The following ABCA4 variants were observed in gnomAD, a reference collection of about 807,000 sequenced individuals.
ABCA4 encodes the protein retinal-specific phospholipid-transporting ATPase ABCA4.
ABCA4 carries 196 observed loss-of-function variants against 263.7 expected under a neutral mutation model. The observed-to-expected ratio is 0.74, with a 90% CI of 0.66 to 0.84. The LOEUF (loss-of-function observed/expected upper bound fraction) is 0.84, where lower values mean the gene tolerates loss of function less well. ABCA4 is among the 40% of genes least tolerant of loss of function. The pLI is 0.00. For missense variants in ABCA4, 2,792 were observed against 2,855.1 expected (o/e 0.98, Z 0.50); for synonymous variants, 1,133 against 1,094.2 (o/e 1.04, Z -0.70).
chr1:94,080,991 G>A (rs571139289), intron 7 of ABCA4, among the ~76,000 whole-genome samples: 2 of 152,250 alleles, frequency 1.3e-5, no homozygotes, highest in East Asian at 1.9e-4. Context: ...TTGGGAGGCC[G>A]AGGCGGGCGG....
intron 6 of ABCA4, among the ~76,000 whole-genome samples, chr1:94,090,856 T>C (rs996545054): frequency 1.3e-5 from 2 of 152,208 alleles, no homozygotes; most frequent in Admixed American, 6.5e-5. Context: ...GTTGAGGTTT[T>C]AGGTTCCATG....
chr1:94,078,935 G>T (rs1439590246), intron 9 of ABCA4, among the ~76,000 whole-genome samples: 1 of 152,066 alleles, frequency 6.6e-6, no homozygotes, highest in Non-Finnish European at 1.5e-5. Context: ...ATGTAATATT[G>T]ATGATATTAT....
Position 94,042,864 on chromosome 1 carries a change from G to A in ABCA4, c.3225C>T (p.Ala1075=). ...GMQRKLSVAI[A]FVGDAKVVIL... Reference sequence around the variant, plus strand: ...TCACCACCTTGGCATCTCCCACAAAGGCAATGGCAACCGACAGCTTTCTCT... The same window carrying A: ...TCACCACCTTGGCATCTCCCACAAAAGCAATGGCAACCGACAGCTTTCTCT... Residue 1075 remains alanine, a synonymous_variant, in exon 22 of 50, where the codon GCC becomes GCT. Coordinates refer to ENST00000370225, the MANE Select transcript of ABCA4 (RefSeq NM_000350.3). The A allele has an allele frequency of 6.2e-7, 1 of 1,614,178 alleles. No homozygotes were observed. Among genetic ancestry groups the A allele is most frequent in the South Asian group, 1.1e-5 (1 of 91,084 alleles).
At position 94,079,346 on chromosome 1, in the gene ABCA4, A is replaced by G. The variant is rs779857255; in HGVS notation, c.1215T>C (p.Pro405=). 1.9e-6 allele frequency: 3 copies of G among 1,614,162 alleles called. No individual in the cohort carries two copies. The East Asian group carries it at 6.7e-5, about 36-fold the overall frequency. Residue 405 remains proline (P), a synonymous_variant, in exon 9 of 50, where the codon CCT becomes CCC. Coordinates refer to ENST00000370225, the MANE Select transcript of ABCA4 (RefSeq NM_000350.3). ...CATTCTTCAGTATCCTTCGTGCTGC[A>G]GGTGAATCAGGAGTGTACAGGATTT... The part of the protein sequence containing the change: ...MGKILYTPDS[P]AARRILKNAN...
chr1:94,077,522 G>A (rs1206120074), intron 11 of ABCA4, among the ~76,000 whole-genome samples, 168 bp downstream of exon 11: 1 of 152,224 alleles, frequency 6.6e-6, no homozygotes, highest in Non-Finnish European at 1.5e-5. Flanking sequence ...TTTAAGTATG[G>A]ATAAGCTGTT....
intron 48 of ABCA4, 93 bp from the exon 49 acceptor site, chr1:93,996,288 T>A: frequency 1.0e-6 from 1 of 968,380 alleles, no homozygotes; most frequent in South Asian, 1.3e-5. Context: ...TTTTCCACAG[T>A]TCACATACAG....
In ABCA4 at chr1:94,001,629, C is replaced by T. The variant is rs1323199774; in HGVS notation, c.6282+229G>A. 13 of 697,882 alleles carry T rather than the reference C, an allele frequency of 1.9e-5. No homozygotes were observed. The East Asian group carries it at 2.0e-4, about 11-fold the overall frequency. 43.2% of individuals were successfully genotyped at this position (697,882 alleles called of 1,614,324 possible). On this transcript the variant is annotated intron_variant, in intron 45 of 49. Coordinates refer to ENST00000370225, the MANE Select transcript of ABCA4 (RefSeq NM_000350.3). The stretch of plus-strand genomic sequence containing the variant: ...GGCCCCACAGGAGACATCCTGGGAA[C>T]GCAGGATGTGCGCAGTCCCAAGTCA...
intron 11 of ABCA4, 36 bp from the exon 12 acceptor site, chr1:94,063,353 G>A (rs781254406): frequency 2.5e-6 from 4 of 1,591,216 alleles, no homozygotes; most frequent in Non-Finnish European, 3.5e-6. Flanking sequence ...AGTGTGAGGA[G>A]GACCAACTGC....
intron 26 of ABCA4, among the ~76,000 whole-genome samples, chr1:94,032,652 C>A (rs965843869): frequency 7.9e-5 from 12 of 152,156 alleles, no homozygotes; most frequent in African/African-American, 2.2e-4. Flanking sequence ...ACAAAGAAAA[C>A]CAAACAAACA....
intron 26 of ABCA4, among the ~76,000 whole-genome samples, chr1:94,033,528 C>T (rs1310277833): frequency 6.6e-6 from 1 of 151,794 alleles, no homozygotes; most frequent in South Asian, 2.1e-4. Flanking sequence ...TGCAAGTTGT[C>T]GGTTATGTTG....
chr1:94,084,607 TTA>T (rs1661784686), intron 6 of ABCA4, among the ~76,000 whole-genome samples: 1 of 152,208 alleles, frequency 6.6e-6, no homozygotes, highest in Non-Finnish European at 1.5e-5. Context: ...TATTTCAGGC[TTA>T]TTTTCTAATT....
intron 49 of ABCA4, among the ~76,000 whole-genome samples, chr1:93,994,900 G>A (rs1658955955): frequency 6.6e-6 from 1 of 152,258 alleles, no homozygotes; most frequent in Non-Finnish European, 1.5e-5. Context: ...ATGCCAGGCA[G>A]GGGTGGGGAG....
chr1:94,001,828 G>T, intron 45 of ABCA4, 30 bp downstream of exon 45: 2 of 1,614,140 alleles, frequency 1.2e-6, no homozygotes. Context: ...CTTGGTTTAA[G>T]CCCTTGGTGC....
At chr1:94,017,041 C>T (rs375141731) in intron 36 of ABCA4, among the ~76,000 whole-genome samples, 1 of 152,128 alleles carries the variant, frequency 6.6e-6, no homozygotes, top group African/African-American at 2.4e-5. Context: ...ATGTGAATAT[C>T]AAAATAAATA....
At chr1:94,033,916 C>T (rs1660273746) in intron 26 of ABCA4, among the ~76,000 whole-genome samples, 1 of 152,114 alleles carries the variant, frequency 6.6e-6, no homozygotes, top group Non-Finnish European at 1.5e-5. Context: ...TGCCCCTCCT[C>T]TTTGCTGGCT....
intron 45 of ABCA4, 25 bp downstream of exon 45, chr1:94,001,833 T>G (rs780141169): frequency 6.2e-7 from 1 of 1,614,142 alleles, no homozygotes; most frequent in African/African-American, 1.3e-5. Flanking sequence ...TTTAAGCCCT[T>G]GGTGCGGCCC....
chr1:94,056,657 G>C lies in ABCA4; in HGVS notation c.2326C>G (p.His776Asp). The C allele has an allele frequency of 6.2e-7, 1 of 1,614,066 alleles. No homozygotes were observed. The highest frequency in any genetic ancestry group is 1.1e-5 in the South Asian group (1 of 91,068). Reference sequence around the variant, plus strand: ...TCCTGCCAGGCGAAGCACAGGATGTGTGGCAGGTAGAGGGTGAAATAGATG... The same window carrying C: ...TCCTGCCAGGCGAAGCACAGGATGTCTGGCAGGTAGAGGGTGAAATAGATG... ...GVIYFTLYLPHILCFAWQDRM... is the reference protein window; with the variant it reads ...GVIYFTLYLPDILCFAWQDRM... Residue 776 changes from histidine (H) to aspartate (D), a missense_variant, in exon 15 of 50, where the codon CAC (histidine) becomes GAC (aspartate). Coordinates refer to ENST00000370225, the MANE Select transcript of ABCA4 (RefSeq NM_000350.3).
chr1:94,007,608 T>C, intron 43 of ABCA4, 26 bp downstream of exon 43: 2 of 1,588,738 alleles, frequency 1.3e-6, no homozygotes, highest in Non-Finnish European at 1.7e-6. Context: ...AGAGACTCCC[T>C]GAGACAGGAG....
intron 38 of ABCA4, 61 bp downstream of exon 38, chr1:94,014,482 G>T: frequency 1.9e-6 from 3 of 1,592,778 alleles, no homozygotes; most frequent in South Asian, 2.2e-5. Context: ...GGCTCTGCTC[G>T]ACCAACACAT....
Sources: gnomAD v4.1 joint callset for allele counts (sites outside exome capture counted in the v4.1 genomes callset) on GRCh38, gnomAD v4.1.1 for gene constraint, MANE v1.5 for transcripts, NCBI Gene and HGNC (gene_info 2026-07-23, HGNC 2026-07-21) for gene names.